The following RXRA variants were observed in gnomAD, a reference collection of about 807,000 sequenced individuals.
RXRA encodes retinoid X receptor alpha.
RXRA carries 5 observed loss-of-function variants against 44.5 expected under a neutral mutation model. That is an observed-to-expected ratio of 0.11 (90% CI 0.06 to 0.24). RXRA has a LOEUF of 0.24. Among genes scored for constraint, RXRA ranks in the 10% least tolerant of loss-of-function variants. The pLI is 1.00. For missense variants in RXRA, 412 were observed against 646.5 expected, an observed-to-expected ratio of 0.64 and a Z score of 3.93; for synonymous variants, 291 against 271.4, an observed-to-expected ratio of 1.07 and a Z score of -0.71.
intron 5 of RXRA, 38 bp from the exon 6 acceptor site, chr9:134,421,638 C>T: frequency 6.5e-7 from 1 of 1,545,418 alleles, no homozygotes; most frequent in Non-Finnish European, 8.8e-7. Context: ...ACACTGGCTT[C>T]TGGGACTGAA....
rs754057224 is a variant in RXRA, at chr9:134,436,655, C to T, written c.*41C>T. On this transcript the variant is annotated 3_prime_UTR_variant, in exon 10 of 10. Transcript: ENST00000481739. ...CTTTGTGCCCACCCGTTCTGGCCAC[C>T]CTGCCTGGACGCCAGCTGTTCTTCT... The T allele has an allele frequency of 6.2e-7, 1 of 1,609,238 alleles. No homozygotes were observed. The highest frequency in any genetic ancestry group is 1.3e-5 in the African/African-American group (1 of 74,996).
At chr9:134,363,694 T>C (rs922709070) in intron 1 of RXRA, among the ~76,000 whole-genome samples, 1 of 152,190 alleles carries the variant, frequency 6.6e-6, no homozygotes. Context: ...GCTGTCTGCC[T>C]GAGCACTGCC....
chr9:134,432,267 C>T (rs765320584), intron 8 of RXRA, among the ~76,000 whole-genome samples: 3 of 152,194 alleles, frequency 2.0e-5, no homozygotes, highest in African/African-American at 7.2e-5. Flanking sequence ...CTGGGCTCCG[C>T]GGTTCATAGT....
rs764385313 is a variant in RXRA, at chr9:134,408,286, G to T, written c.417G>T (p.Gly139=). 1.0e-5 allele frequency: 16 copies of T among 1,607,148 alleles called. No homozygotes were observed. The highest frequency in any genetic ancestry group is 1.3e-5 in the Non-Finnish European group (15 of 1,177,380). The change falls in exon 3 of 10, where the codon GGG becomes GGT. Residue 139 remains glycine, a synonymous_variant. Transcript: ENST00000481739. ...CCAAGCACATCTGCGCCATCTGCGG[G>T]GACCGCTCCTCAGGTACCGCTGCTG... is the stretch of plus-strand genomic sequence containing the variant. ...SFTKHICAIC[G]DRSSGKHYGV...
intron 1 of RXRA, among the ~76,000 whole-genome samples, chr9:134,360,579 C>T (rs963582885): frequency 1.3e-5 from 2 of 152,256 alleles, no homozygotes; most frequent in African/African-American, 4.8e-5. Context: ...AGGTCGCTCG[C>T]GGTTACCTGC....
intron 4 of RXRA, among the ~76,000 whole-genome samples, chr9:134,410,840 A>G (rs1831136673): frequency 1.3e-5 from 2 of 152,212 alleles, no homozygotes; most frequent in African/African-American, 2.4e-5. Flanking sequence ...GCTTGGGGGC[A>G]GATGAGAGCG....
chr9:134,422,538 A>G, intron 6 of RXRA: 1 of 1,089,146 alleles, frequency 9.2e-7, no homozygotes, highest in Non-Finnish European at 1.1e-6. Context: ...CTTCCGGGAC[A>G]CTCCCCCCTC....
chr9:134,422,656 C>G (rs1588304123), intron 6 of RXRA: 6 of 981,944 alleles, frequency 6.1e-6, no homozygotes, highest in Non-Finnish European at 7.2e-6. Flanking sequence ...ACTCCCCACT[C>G]CCCGGACACT....
At chr9:134,381,889 T>C (rs1260614723) in intron 1 of RXRA, among the ~76,000 whole-genome samples, 1 of 151,794 alleles carries the variant, frequency 6.6e-6, no homozygotes, top group African/African-American at 2.4e-5. Flanking sequence ...ACAGGATGAG[T>C]TGGATGCAGC....
intron 1 of RXRA, among the ~76,000 whole-genome samples, chr9:134,399,267 G>A (rs1356287964): frequency 6.6e-6 from 1 of 152,210 alleles, no homozygotes; most frequent in Non-Finnish European, 1.5e-5. Context: ...TGGCCTAGGG[G>A]CAGCTGCAGG....
chr9:134,437,975 G>GCGCTCCT lies in RXRA; in HGVS notation c.*1363_*1369dup, dbSNP rs138075559. The GCGCTCCT allele has an allele frequency of 0.016, 2,497 of 152,542 alleles. 69 individuals carry two copies. Among genetic ancestry groups the GCGCTCCT allele is most frequent in the African/African-American group, 0.058 (2,389 of 41,540 alleles). The allele number at this position is 152,542 out of a possible 1,614,324, so 9.4% of individuals were successfully genotyped here. A position where few individuals can be genotyped will look rare whatever the true frequency, so the allele number is the denominator to read the frequency against. ...CCCTGGCTCAGCCCAGTGCGGCCTGGCGCTCCTCCCGCAGGCTCTGCCCCC... is the reference window on the plus strand; with the variant it reads ...CCCTGGCTCAGCCCAGTGCGGCCTGGCGCTCCTCGCTCCTCCCGCAGGCTCTGCCCCC... On this transcript the variant is annotated 3_prime_UTR_variant, in exon 10 of 10. Transcript: ENST00000481739.
chr9:134,424,247 C>T (rs1831396940), intron 6 of RXRA: 4 of 985,420 alleles, frequency 4.1e-6, no homozygotes, highest in Non-Finnish European at 4.8e-6. Context: ...TCCCTTAGCC[C>T]AGAGCCCTGG....
chr9:134,426,249 A>C lies in RXRA; in HGVS notation c.911-2859A>C. On this transcript the variant is annotated intron_variant, in intron 6 of 9. Coordinates refer to ENST00000481739, the MANE Select transcript of RXRA (RefSeq NM_002957.6). The surrounding 1 kb of genome is among the most constrained non-coding windows in gnomAD (Gnocchi z 4.6). ...AGGCCAGCGCACCCTGAGCCGTTTA[A>C]AGCTGTGTCCGTGCCGGGCCCCCAC... 1.0e-6 allele frequency: 1 copy of C among 985,418 alleles called. No individual in the cohort carries two copies. The highest frequency in any genetic ancestry group is 1.2e-6 in the Non-Finnish European group (1 of 829,922). 61.0% of individuals were successfully genotyped at this position (985,418 alleles called of 1,614,324 possible). A position where few individuals can be genotyped will look rare whatever the true frequency, so the allele number is the denominator to read the frequency against.
rs545190795 is a variant in RXRA at position 134,421,990 on chromosome 9, C to T, written c.910+185C>T. ...TCTCCTGGGACACACTCCTACCTCC[C>T]GGGACACTCCCCCTTCCCGGAACAC... On this transcript the variant is annotated intron_variant, in intron 6 of 9. Coordinates refer to ENST00000481739, the MANE Select transcript of RXRA (RefSeq NM_002957.6). The T allele has an allele frequency of 2.9e-4, 431 of 1,478,216 alleles. 2 individuals are homozygous for T. The African/African-American group carries it at 4.1e-3, about 14-fold the overall frequency. 91.6% of individuals were successfully genotyped at this position (1,478,216 alleles called of 1,614,324 possible).
At chr9:134,421,537 A>T in intron 5 of RXRA, 139 bp from the exon 6 acceptor site, 1 of 971,928 alleles carries the variant, frequency 1.0e-6, no homozygotes, top group Non-Finnish European at 1.5e-6. Context: ...GGTTCTGGGG[A>T]TTGGGGCCTG....
At chr9:134,394,734 C>T (rs1272765611) in intron 1 of RXRA, among the ~76,000 whole-genome samples, 6 of 152,322 alleles carry the variant, frequency 3.9e-5, no homozygotes, top group South Asian at 2.1e-4. Context: ...CACTACCCTG[C>T]GTCTCCCAGT....
chr9:134,422,863 TC>T, intron 6 of RXRA: 3 of 985,410 alleles, frequency 3.0e-6, no homozygotes, highest in South Asian at 4.7e-5. Flanking sequence ...CTGGCTGTGT[TC>T]CAGGGGCTGC....
chr9:134,332,965 G>T (rs548679751), intron 1 of RXRA, among the ~76,000 whole-genome samples: 1 of 152,246 alleles, frequency 6.6e-6, no homozygotes, highest in Non-Finnish European at 1.5e-5. Context: ...CCTGGGGGTC[G>T]TCTTTCCCGG....
At chr9:134,355,548 G>A (rs1164628442) in intron 1 of RXRA, among the ~76,000 whole-genome samples, 1 of 152,142 alleles carries the variant, frequency 6.6e-6, no homozygotes, top group Admixed American at 6.5e-5. Context: ...GGGAGGGAGA[G>A]GCAGTGGCTC....
Sources: allele counts gnomAD v4.1 joint callset (sites outside exome capture counted in the v4.1 genomes callset), GRCh38; gene constraint gnomAD v4.1.1; non-coding constraint Gnocchi (gnomAD v3.1); transcripts MANE v1.5; gene names NCBI Gene and HGNC (gene_info 2026-07-23, HGNC 2026-07-21).